The following TMC5 variants were observed in gnomAD, a reference collection of about 807,000 sequenced individuals.
TMC5 encodes the protein transmembrane channel like 5.
In TMC5, 86 loss-of-function variants were observed where a neutral mutation model predicts 110.5. The ratio of observed to expected loss-of-function variants is 0.78; its 90% CI spans 0.65 to 0.93. The LOEUF is 0.93. Ranked by LOEUF, TMC5 falls within the 40% of genes least tolerant of loss-of-function variation. The pLI is 0.00. For missense variants in TMC5, 1,144 were observed against 1,222.8 expected, an observed-to-expected ratio of 0.94 and a Z score of 0.96; for synonymous variants, 455 against 439.5, an observed-to-expected ratio of 1.04 and a Z score of -0.44.
chr16:19,484,838 G>A (rs1411710081), intron 15 of TMC5, among the ~76,000 whole-genome samples: 4 of 148,530 alleles, frequency 2.7e-5, no homozygotes, highest in Non-Finnish European at 4.5e-5. Flanking sequence ...GATAAATCAT[G>A]AATAAGCACC....
At chr16:19,494,202 T>G (rs927193042) in intron 19 of TMC5, 60 bp from the exon 20 acceptor site, 3 of 1,383,930 alleles carry the variant, frequency 2.2e-6, no homozygotes, top group South Asian at 1.2e-5. Context: ...CTTTCTCAAT[T>G]CCATACCATC....
At chr16:19,465,532 AAAAT>A (rs568378758) in intron 8 of TMC5, among the ~76,000 whole-genome samples, 13 of 152,128 alleles carry the variant, frequency 8.5e-5, no homozygotes, top group African/African-American at 1.2e-4. Context: ...CCATCTCAAA[AAAAT>A]AAATAAATAA....
chr16:19,451,368 G>C (rs2143519341), intron 5 of TMC5, among the ~76,000 whole-genome samples: 1 of 152,234 alleles, frequency 6.6e-6, no homozygotes, highest in East Asian at 1.9e-4. Flanking sequence ...GGGAGGGTTA[G>C]ATATTGCTAC....
intron 12 of TMC5, among the ~76,000 whole-genome samples, chr16:19,476,004 G>A (rs904083244): frequency 1.3e-5 from 2 of 151,970 alleles, no homozygotes; most frequent in African/African-American, 4.8e-5. Context: ...AGAATGATTG[G>A]TGAATGAATA....
At chr16:19,485,910 T>TA (rs1336795524) in intron 15 of TMC5, among the ~76,000 whole-genome samples, 1 of 152,170 alleles carries the variant, frequency 6.6e-6, no homozygotes, top group East Asian at 1.9e-4. Context: ...GCCTTGTCCC[T>TA]ACAGGACCTC....
chr16:19,481,255 T>C, intron 14 of TMC5, 115 bp from the exon 15 acceptor site: 1 of 771,452 alleles, frequency 1.3e-6, no homozygotes. Flanking sequence ...TCAAGGGAAC[T>C]TACGACTTTA....
intron 2 of TMC5, among the ~76,000 whole-genome samples, chr16:19,432,558 C>A (rs1567299565): frequency 6.6e-6 from 1 of 152,244 alleles, no homozygotes; most frequent in East Asian, 1.9e-4. Context: ...GAAGGCCACT[C>A]CCACTTCATG....
intron 19 of TMC5, among the ~76,000 whole-genome samples, chr16:19,493,399 C>G (rs1167313963): frequency 6.6e-6 from 1 of 151,728 alleles, no homozygotes; most frequent in East Asian, 1.9e-4. Context: ...ACTAGAACTG[C>G]ACAAATCAGG....
intron 5 of TMC5, among the ~76,000 whole-genome samples, chr16:19,457,538 G>A (rs1179749444): frequency 6.6e-6 from 1 of 151,962 alleles, no homozygotes; most frequent in African/African-American, 2.4e-5. Flanking sequence ...CTTGTGCTCT[G>A]CAGAGCACCT....
intron 4 of TMC5, among the ~76,000 whole-genome samples, chr16:19,444,581 T>G (rs1967570887): frequency 6.6e-6 from 1 of 152,174 alleles, no homozygotes; most frequent in Non-Finnish European, 1.5e-5. Context: ...TCAGAAGCCG[T>G]GTATTTGGGG....
intron 8 of TMC5, among the ~76,000 whole-genome samples, chr16:19,464,301 G>A (rs1038959158): frequency 3.3e-5 from 5 of 152,158 alleles, no homozygotes; most frequent in Non-Finnish European, 2.9e-5. Flanking sequence ...GCACACACCT[G>A]TAATTCTGGC....
chr16:19,492,428 T>C, intron 19 of TMC5, 200 bp downstream of exon 19: 1 of 399,248 alleles, frequency 2.5e-6, no homozygotes, highest in Non-Finnish European at 4.4e-6. Context: ...TTAGTATTTA[T>C]TTATTTTAAT....
intron 1 of TMC5, among the ~76,000 whole-genome samples, chr16:19,429,942 A>G (rs1967162700): frequency 6.6e-6 from 1 of 152,118 alleles, no homozygotes; most frequent in African/African-American, 2.4e-5. Flanking sequence ...GATTACCTCC[A>G]CCGAGATCCT....
chr16:19,480,833 G>T (rs1260577720), intron 14 of TMC5, among the ~76,000 whole-genome samples: 5 of 142,972 alleles, frequency 3.5e-5, no homozygotes, highest in Non-Finnish European at 6.1e-5. Context: ...AAAGTGAAAA[G>T]ATTTTTTTTT....
intron 1 of TMC5, 56 bp downstream of exon 1, chr16:19,418,148 C>T (rs1966900049): frequency 6.6e-6 from 1 of 152,212 alleles, no homozygotes; most frequent in Non-Finnish European, 1.5e-5. Context: ...ATGCGGAATG[C>T]TTGGGAACGT....
At chr16:19,483,655 G>A (rs1038145394) in intron 15 of TMC5, among the ~76,000 whole-genome samples, 1 of 152,230 alleles carries the variant, frequency 6.6e-6, no homozygotes, top group South Asian at 2.1e-4. Context: ...GTGCATGCCT[G>A]TAATCCCAGC....
At position 19,481,663 on chromosome 16, in the gene TMC5, A is replaced by G. The variant is rs575130376; in HGVS notation, c.2363+198A>G. 3.9e-5 allele frequency among the ~76,000 whole-genome samples: 6 copies of G among 152,346 alleles called. No homozygotes were observed. In the East Asian group the frequency reaches 5.8e-4, roughly 15 times the overall value. Reference sequence around the variant, plus strand: ...AGCTTAAGGACTTCAGACAAGAATCAGCATAGAGCAGGGATCGCAACCTGG... The same window carrying G: ...AGCTTAAGGACTTCAGACAAGAATCGGCATAGAGCAGGGATCGCAACCTGG... On this transcript the variant is annotated intron_variant, in intron 15 of 21. Transcript: ENST00000542583.
chr16:19,480,224 T>C (rs559495523), intron 14 of TMC5, among the ~76,000 whole-genome samples: 1 of 151,732 alleles, frequency 6.6e-6, no homozygotes, highest in South Asian at 2.1e-4. Context: ...TTTAATTGAA[T>C]TAATGTATTA....
intron 12 of TMC5, among the ~76,000 whole-genome samples, chr16:19,474,485 C>G (rs564213848): frequency 2.6e-5 from 4 of 151,670 alleles, no homozygotes; most frequent in Non-Finnish European, 5.9e-5. Flanking sequence ...ACCAGGAGTT[C>G]GAGAACAGCC....
Sources: allele counts gnomAD v4.1 joint callset (sites outside exome capture counted in the v4.1 genomes callset), GRCh38; gene constraint gnomAD v4.1.1; transcripts MANE v1.5; gene names NCBI Gene and HGNC (gene_info 2026-07-23, HGNC 2026-07-21).